The following TSPAN18 variants were observed in gnomAD, a reference collection of about 807,000 sequenced individuals.
TSPAN18 encodes the protein tetraspanin 18.
A neutral mutation model predicts 27.3 loss-of-function variants in TSPAN18; 14 were observed. That is an observed-to-expected ratio of 0.51 (90% CI 0.34 to 0.80). The LOEUF (loss-of-function observed/expected upper bound fraction) is 0.80, where lower values mean the gene tolerates loss of function less well. TSPAN18 is among the 30% of genes least tolerant of loss of function. The pLI, the probability that TSPAN18 is intolerant of heterozygous loss-of-function variation, is 0.01. For missense variants in TSPAN18, 268 were observed against 323.9 expected, an observed-to-expected ratio of 0.83 and a Z score of 1.32; for synonymous variants, 143 against 136.5, an observed-to-expected ratio of 1.05 and a Z score of -0.33.
chr11:44,894,622 G>A (rs2135292210), intron 3 of TSPAN18, among the ~76,000 whole-genome samples: 1 of 152,352 alleles, frequency 6.6e-6, no homozygotes, highest in East Asian at 1.9e-4. Flanking sequence ...TCTGGCCCGG[G>A]CAGGGGTCCG....
intron 2 of TSPAN18, among the ~76,000 whole-genome samples, chr11:44,788,910 G>A (rs1026866302): frequency 6.6e-6 from 1 of 152,246 alleles, no homozygotes; most frequent in African/African-American, 2.4e-5. Flanking sequence ...AGAGGGCCAA[G>A]TGACTGGAAG....
At chr11:44,745,463 G>A (rs755157334) in intron 1 of TSPAN18, among the ~76,000 whole-genome samples, 2 of 152,194 alleles carry the variant, frequency 1.3e-5, no homozygotes, top group Non-Finnish European at 2.9e-5. Flanking sequence ...GATACAAAAT[G>A]ATGGCATGTA....
chr11:44,814,489 C>T (rs1195538524), intron 2 of TSPAN18, among the ~76,000 whole-genome samples: 1 of 152,188 alleles, frequency 6.6e-6, no homozygotes, highest in Non-Finnish European at 1.5e-5. Flanking sequence ...TGACTAGTCC[C>T]AGTGCCTCAT....
At chr11:44,847,594 T>G (rs1181968183) in intron 2 of TSPAN18, among the ~76,000 whole-genome samples, 1 of 152,184 alleles carries the variant, frequency 6.6e-6, no homozygotes, top group Non-Finnish European at 1.5e-5. Context: ...CTATAAACAT[T>G]TGTGTACCAG....
chr11:44,920,121 T>C, intron 8 of TSPAN18, 122 bp downstream of exon 8: 1 of 1,037,282 alleles, frequency 9.6e-7, no homozygotes, highest in Non-Finnish European at 1.4e-6. Flanking sequence ...AGGGAAGTGT[T>C]GGCCATGATA....
At chr11:44,776,970 C>A (rs562011267) in intron 2 of TSPAN18, among the ~76,000 whole-genome samples, 2 of 152,308 alleles carry the variant, frequency 1.3e-5, no homozygotes, top group Admixed American at 1.3e-4. Flanking sequence ...GAGAAAGATA[C>A]CCCCTCTCAC....
intron 2 of TSPAN18, among the ~76,000 whole-genome samples, chr11:44,778,489 G>A (rs1346888152): frequency 6.6e-6 from 1 of 152,124 alleles, no homozygotes; most frequent in African/African-American, 2.4e-5. Flanking sequence ...TAGAAGGAAG[G>A]TGAAGGGCCT....
chr11:44,838,758 A>T (rs542699281), intron 2 of TSPAN18, among the ~76,000 whole-genome samples: 1 of 152,318 alleles, frequency 6.6e-6, no homozygotes, highest in African/African-American at 2.4e-5. Flanking sequence ...GGAGCCTCCA[A>T]AAGGAACGTG....
intron 1 of TSPAN18, among the ~76,000 whole-genome samples, chr11:44,737,834 A>G (rs1393559495): frequency 6.6e-6 from 1 of 151,468 alleles, no homozygotes; most frequent in Non-Finnish European, 1.5e-5. Context: ...CCTCCCCTGG[A>G]CTGCTTTTTC....
chr11:44,903,231 G>C, intron 3 of TSPAN18: 1 of 362,936 alleles, frequency 2.8e-6, no homozygotes, highest in Non-Finnish European at 5.4e-6. Flanking sequence ...TCCTGGCGGA[G>C]GTGATGCCTG....
chr11:44,912,713 G>A (rs73456408), intron 5 of TSPAN18, among the ~76,000 whole-genome samples: 6,115 of 150,800 alleles, frequency 0.041, 464 homozygotes, highest in African/African-American at 0.14. Flanking sequence ...GTGTTCTATC[G>A]TGTGTGTTTG....
At chr11:44,799,563 G>C (rs1856429874) in intron 2 of TSPAN18, among the ~76,000 whole-genome samples, 1 of 152,166 alleles carries the variant, frequency 6.6e-6, no homozygotes, top group Non-Finnish European at 1.5e-5. Context: ...GTGGTGGAGG[G>C]ACTAGAAGGA....
In TSPAN18 at chr11:44,913,443, T is replaced by G. The variant is rs1466934158; in HGVS notation, c.258+3544T>G. 5.9e-5 allele frequency among the ~76,000 whole-genome samples: 9 copies of G among 152,268 alleles called. No homozygotes were observed. The East Asian group carries it at 9.6e-4, about 16-fold the overall frequency. ...CAATTTCAGCCTCCTATTGAAAATTTGTGGCATCCCTTTTTCTCATTTGCT... is the reference window on the plus strand; with the variant it reads ...CAATTTCAGCCTCCTATTGAAAATTGGTGGCATCCCTTTTTCTCATTTGCT... On this transcript the variant is annotated intron_variant, in intron 5 of 9. Transcript: ENST00000520358.
rs115280207 is a variant in TSPAN18, at chr11:44,887,903, G to A, written c.-10-18504G>A. ...GAAGCCATTAAATATTTAAATCTGG[G>A]CAGTGTGGTGGGCCAGGTTGTCCCA... On this transcript the variant is annotated intron_variant, in intron 3 of 9. Coordinates refer to ENST00000520358, the MANE Select transcript of TSPAN18 (RefSeq NM_130783.5). Among the ~76,000 whole-genome samples the A allele has an allele frequency of 8.3e-3, 1,261 of 152,224 alleles. 23 individuals carry two copies. The highest frequency in any genetic ancestry group is 0.029 in the African/African-American group (1,187 of 41,514).
chr11:44,862,244 C>T (rs896761991), intron 3 of TSPAN18, among the ~76,000 whole-genome samples: 1 of 152,212 alleles, frequency 6.6e-6, no homozygotes, highest in African/African-American at 2.4e-5. Context: ...TGCCCTCCGC[C>T]GCGGCAGCTC....
chr11:44,894,233 GCGT>G (rs1858955425), intron 3 of TSPAN18, among the ~76,000 whole-genome samples: 1 of 152,208 alleles, frequency 6.6e-6, no homozygotes, highest in South Asian at 2.1e-4. Flanking sequence ...TGGAGGTGAG[GCGT>G]CTGGCTCAGG....
chr11:44,741,245 TC>T (rs1478895849), intron 1 of TSPAN18, among the ~76,000 whole-genome samples: 4 of 152,222 alleles, frequency 2.6e-5, no homozygotes, highest in African/African-American at 9.6e-5. Context: ...TAACATTTCC[TC>T]CCTTTCATTT....
chr11:44,814,758 C>T (rs187752825), intron 2 of TSPAN18, among the ~76,000 whole-genome samples: 231 of 152,250 alleles, frequency 1.5e-3, no homozygotes, highest in African/African-American at 5.3e-3. Context: ...ACCAGGAGTA[C>T]AAGCTATGAA....
In TSPAN18 at chr11:44,848,113, G is replaced by C. The variant is rs561666669; in HGVS notation, c.-152-12215G>C. Among the ~76,000 whole-genome samples the C allele has an allele frequency of 3.3e-5, 5 of 152,356 alleles. No homozygotes were observed. The South Asian group carries it at 1.0e-3, about 32-fold the overall frequency. On this transcript the variant is annotated intron_variant, in intron 2 of 9. Transcript: ENST00000520358. ...AGCTTCCCAAAGTGCTGGGATTACA[G>C]AGATGAGCCACTGCACCCAGCCTCA...
Sources: allele counts gnomAD v4.1 joint callset (sites outside exome capture counted in the v4.1 genomes callset), GRCh38; gene constraint gnomAD v4.1.1; transcripts MANE v1.5; gene names NCBI Gene and HGNC (gene_info 2026-07-23, HGNC 2026-07-21).